Variants in CERT1 observed in about 807,000 individuals in gnomAD.
CERT1 encodes ceramide transfer protein.
A neutral mutation model predicts 87.9 loss-of-function variants in CERT1; 31 were observed. The ratio of observed to expected loss-of-function variants is 0.35; its 90% CI spans 0.27 to 0.48. The LOEUF (loss-of-function observed/expected upper bound fraction) is 0.48. Ranked by LOEUF, CERT1 falls within the 20% of genes least tolerant of loss-of-function variation. The pLI is 0.99. For synonymous variants in CERT1, 289 were observed against 250.9 expected, an observed-to-expected ratio of 1.15 and a Z score of -1.44; for missense variants, 487 against 758.0, an observed-to-expected ratio of 0.64 and a Z score of 4.20.
At chr5:75,478,214 T>C (rs1364192327) in intron 2 of CERT1, among the ~76,000 whole-genome samples, 2 of 151,970 alleles carry the variant, frequency 1.3e-5, no homozygotes, top group Non-Finnish European at 2.9e-5. Flanking sequence ...CTTGGGAGGC[T>C]GAGACAGGAG....
chr5:75,413,980 C>A (rs1474734531), intron 7 of CERT1, among the ~76,000 whole-genome samples: 2 of 151,982 alleles, frequency 1.3e-5, no homozygotes, highest in Non-Finnish European at 2.9e-5. Flanking sequence ...TGAAAAAAAT[C>A]TAAATGTCCA....
At chr5:75,496,990 A>AT (rs1767099002) in intron 2 of CERT1, among the ~76,000 whole-genome samples, 1 of 152,222 alleles carries the variant, frequency 6.6e-6, no homozygotes, top group Non-Finnish European at 1.5e-5. Context: ...TTTTTAAAAA[A>AT]AGACATAGAA....
At chr5:75,399,415 A>T in intron 10 of CERT1, 28 bp from the exon 11 acceptor site, 1 of 1,545,764 alleles carries the variant, frequency 6.5e-7, no homozygotes, top group South Asian at 1.1e-5. Context: ...AGAAAAAACC[A>T]AGTAATCAGA....
intron 3 of CERT1, among the ~76,000 whole-genome samples, chr5:75,431,247 T>G (rs1453462532): frequency 2.0e-5 from 3 of 152,188 alleles, no homozygotes; most frequent in Non-Finnish European, 4.4e-5. Context: ...CAGTGTCTAT[T>G]GTTTCCCTCT....
At chr5:75,479,432 C>T (rs1317146286) in intron 2 of CERT1, among the ~76,000 whole-genome samples, 1 of 151,970 alleles carries the variant, frequency 6.6e-6, no homozygotes, top group Non-Finnish European at 1.5e-5. Context: ...ATCTATTCTG[C>T]TCCTCTTCTT....
intron 3 of CERT1, among the ~76,000 whole-genome samples, chr5:75,432,598 A>G (rs899051080): frequency 6.6e-6 from 1 of 152,212 alleles, no homozygotes; most frequent in African/African-American, 2.4e-5. Flanking sequence ...TATTCTGGAT[A>G]TCAGACCTTT....
At chr5:75,376,700 C>T (rs924985302), downstream of CERT1, 3 of 152,150 alleles carry the variant, frequency 2.0e-5, no homozygotes, top group East Asian at 5.8e-4. Flanking sequence ...GGCTATATTC[C>T]AAAACACCAA....
intron 8 of CERT1, among the ~76,000 whole-genome samples, chr5:75,407,169 G>A (rs1460755617): frequency 1.3e-5 from 2 of 152,042 alleles, no homozygotes; most frequent in African/African-American, 4.8e-5. Context: ...CTAAGAAAGA[G>A]TAAAGTGCAT....
chr5:75,456,149 T>C (rs1764972417), intron 3 of CERT1, among the ~76,000 whole-genome samples: 1 of 152,116 alleles, frequency 6.6e-6, no homozygotes, highest in South Asian at 2.1e-4. Context: ...CCCTGGTCTA[T>C]GGGAGGAAAA....
At chr5:75,419,276 G>A (rs1258785862) in intron 6 of CERT1, 65 bp downstream of exon 6, 5 of 1,031,884 alleles carry the variant, frequency 4.8e-6, no homozygotes, top group Middle Eastern at 2.1e-4. Flanking sequence ...ATTATTTCTT[G>A]TGAGTTGTTA....
intron 2 of CERT1, among the ~76,000 whole-genome samples, chr5:75,466,622 T>C (rs536032533): frequency 3.2e-4 from 48 of 152,290 alleles, no homozygotes; most frequent in African/African-American, 1.1e-3. Flanking sequence ...GAAGTACTCA[T>C]TAGCTAGGTG....
chr5:75,497,495 G>A (rs1414123034), intron 2 of CERT1, among the ~76,000 whole-genome samples: 1 of 152,114 alleles, frequency 6.6e-6, no homozygotes, highest in Non-Finnish European at 1.5e-5. Flanking sequence ...TGGTTTGGCT[G>A]CATCCCCATC....
chr5:75,511,310 G>A lies in CERT1; in HGVS notation c.-103C>T. 4 of 1,552,666 alleles carry A rather than the reference G, an allele frequency of 2.6e-6. No individual in the cohort carries two copies. The highest frequency in any genetic ancestry group is 1.2e-5 in the South Asian group (1 of 84,558). On this transcript the variant is annotated 5_prime_UTR_variant, in exon 1 of 17. Coordinates refer to ENST00000643780, the MANE Select transcript of CERT1 (RefSeq NM_001379029.1). ...AAGGGTCGGGGGATGGCGAAGCGAAGAGTGCCCGCTCCGGTGTGGGGGGGA... is the reference window on the plus strand; with the variant it reads ...AAGGGTCGGGGGATGGCGAAGCGAAAAGTGCCCGCTCCGGTGTGGGGGGGA...
intron 3 of CERT1, among the ~76,000 whole-genome samples, chr5:75,436,416 T>C (rs996662872): frequency 1.3e-5 from 2 of 152,346 alleles, no homozygotes; most frequent in South Asian, 4.1e-4. Context: ...TTACCTAAAA[T>C]GGCTCTAGTT....
chr5:75,377,388 T>C (rs1203432147), downstream of CERT1: 4 of 152,224 alleles, frequency 2.6e-5, no homozygotes, highest in Non-Finnish European at 5.9e-5. Context: ...ATCTATTAAT[T>C]TTCCCACATA....
chr5:75,507,732 G>T (rs1250782385), intron 1 of CERT1, among the ~76,000 whole-genome samples: 1 of 152,182 alleles, frequency 6.6e-6, no homozygotes, highest in Non-Finnish European at 1.5e-5. Context: ...CTCATGTGAA[G>T]AGAGTTTTGA....
chr5:75,385,811 TG>T (rs1370413525), intron 13 of CERT1, 90 bp downstream of exon 13: 2 of 1,004,176 alleles, frequency 2.0e-6, no homozygotes, highest in East Asian at 6.2e-5. Context: ...ACGTTGACTT[TG>T]TAAACTATGT....
chr5:75,374,147 C>G (rs796641349), downstream of CERT1: 3 of 365,858 alleles, frequency 8.2e-6, no homozygotes, highest in African/African-American at 5.0e-5. Context: ...TTTTTTTTTT[C>G]TTTTTTTCTC....
At chr5:75,380,648 C>T (rs1052611595) in intron 16 of CERT1, among the ~76,000 whole-genome samples, 1 of 151,722 alleles carries the variant, frequency 6.6e-6, no homozygotes. Context: ...ACTAGCCAGG[C>T]GTGGTTGTGG....
Sources: gnomAD v4.1 joint callset for allele counts (sites outside exome capture counted in the v4.1 genomes callset) on GRCh38, gnomAD v4.1.1 for gene constraint, MANE v1.5 for transcripts, NCBI Gene and HGNC (gene_info 2026-07-23, HGNC 2026-07-21) for gene names.